The following GDPD5 variants were observed in gnomAD, a reference collection of about 807,000 sequenced individuals.
GDPD5 encodes glycerophosphodiester phosphodiesterase domain containing 5, also known as glycerophosphodiester phosphodiesterase 2.
GDPD5 carries 48 observed loss-of-function variants against 75.1 expected under a neutral mutation model. The observed-to-expected ratio is 0.64, with a 90% CI of 0.51 to 0.81. The LOEUF (loss-of-function observed/expected upper bound fraction) is 0.81. GDPD5 is among the 40% of genes least tolerant of loss of function. GDPD5 has a pLI of 0.00. For synonymous variants in GDPD5, 336 were observed against 339.0 expected (o/e 0.99, Z 0.10); for missense variants, 706 against 822.6 (o/e 0.86, Z 1.73).
chr11:75,516,851 C>A (rs566616000), intron 1 of GDPD5, among the ~76,000 whole-genome samples: 1 of 152,328 alleles, frequency 6.6e-6, no homozygotes, highest in African/African-American at 2.4e-5. Context: ...AGTGACAAAG[C>A]CAGGATCAAC....
intron 3 of GDPD5, among the ~76,000 whole-genome samples, chr11:75,473,066 G>A (rs1949703651): frequency 6.6e-6 from 1 of 152,056 alleles, no homozygotes; most frequent in African/African-American, 2.4e-5. Context: ...TGAAGGGTGA[G>A]GTTATCCTGT....
intron 6 of GDPD5, among the ~76,000 whole-genome samples, 166 bp from the exon 7 acceptor site, chr11:75,450,149 G>GATA (rs1949100919): frequency 6.6e-6 from 1 of 152,192 alleles, no homozygotes; most frequent in Admixed American, 6.5e-5. Context: ...GGAAACTAGA[G>GATA]GCCGGCAGAT....
chr11:75,501,686 G>C (rs1950307472), intron 1 of GDPD5, among the ~76,000 whole-genome samples: 1 of 152,166 alleles, frequency 6.6e-6, no homozygotes, highest in African/African-American at 2.4e-5. Context: ...AGTGGGGAGG[G>C]GTGCTGGGAG....
intron 3 of GDPD5, among the ~76,000 whole-genome samples, chr11:75,467,038 C>A (rs1949531633): frequency 6.6e-6 from 1 of 152,194 alleles, no homozygotes; most frequent in African/African-American, 2.4e-5. Flanking sequence ...CTAGGCCAGA[C>A]CTGATGCTCC....
Position 75,505,491 on chromosome 11 carries a change from CCT to C in GDPD5, c.-144-15173_-144-15172del, listed in dbSNP as rs1343564078. The stretch of plus-strand genomic sequence containing the variant: ...GGCCAGTCCTTTTCCTTGTGGGGCC[CCT>C]GTTTTCCTGTCTGTACCATCAGAGA... On this transcript the variant is annotated intron_variant, in intron 1 of 16. Coordinates refer to ENST00000336898, the MANE Select transcript of GDPD5 (RefSeq NM_030792.8). Among the ~76,000 whole-genome samples the C allele has an allele frequency of 3.9e-5, 6 of 152,146 alleles. No individual in the cohort carries two copies. In the South Asian group the frequency reaches 8.3e-4, roughly 21 times the overall value.
At chr11:75,499,922 C>T (rs1220346783) in intron 1 of GDPD5, among the ~76,000 whole-genome samples, 1 of 152,224 alleles carries the variant, frequency 6.6e-6, no homozygotes, top group African/African-American at 2.4e-5. Context: ...TACGAGGATG[C>T]TCTGAGCTAG....
Position 75,436,985 on chromosome 11 carries a change from G to A in GDPD5, c.1620C>T (p.Arg540=), listed in dbSNP as rs778279799. 4.3e-5 allele frequency: 70 copies of A among 1,613,522 alleles called. 2 individuals carry two copies. The South Asian group carries it at 7.6e-4, about 17-fold the overall frequency. ...PEQIMLSAAV[R]RTSRDVSIMK... is the part of the protein sequence containing the mutation. ...TGATGCTGACGTCCCGGCTGGTCCGGCGCACCGCAGCACTCAGCATGATCT... is the reference window on the plus strand; with the variant it reads ...TGATGCTGACGTCCCGGCTGGTCCGACGCACCGCAGCACTCAGCATGATCT... The change falls in exon 16 of 17, where the codon CGC becomes CGT. Residue 540 remains arginine, a synonymous_variant. Transcript: ENST00000336898.
chr11:75,439,750 T>C, intron 15 of GDPD5, 129 bp downstream of exon 15: 1 of 755,252 alleles, frequency 1.3e-6, no homozygotes, highest in Non-Finnish European at 2.3e-6. Context: ...CCGGAGTCCG[T>C]CCTTCTTCCC....
At chr11:75,449,783 A>T (rs537648065) in intron 7 of GDPD5, 102 bp downstream of exon 7, 2 of 1,332,290 alleles carry the variant, frequency 1.5e-6, no homozygotes, top group East Asian at 4.6e-5. Flanking sequence ...CTGCTCTGTG[A>T]CCCTGGGCGC....
At chr11:75,449,644 C>G (rs201513451) in intron 7 of GDPD5, 34 bp from the exon 8 acceptor site, 9 of 1,551,714 alleles carry the variant, frequency 5.8e-6, no homozygotes, top group Non-Finnish European at 6.1e-6. Context: ...AGACCAGTAA[C>G]GCCCAGCTCT....
At chr11:75,471,726 T>TC (rs1326282426) in intron 3 of GDPD5, among the ~76,000 whole-genome samples, 1 of 152,082 alleles carries the variant, frequency 6.6e-6, no homozygotes, top group East Asian at 1.9e-4. Context: ...CTTAGCCACT[T>TC]CCCCTGGAGC....
chr11:75,470,206 G>T (rs891248840), intron 3 of GDPD5, among the ~76,000 whole-genome samples: 14 of 152,238 alleles, frequency 9.2e-5, no homozygotes, highest in African/African-American at 3.4e-4. Context: ...AGCAGAGGGC[G>T]TGAAGGCACA....
chr11:75,464,997 G>A (rs1357054714), intron 3 of GDPD5, among the ~76,000 whole-genome samples: 1 of 152,124 alleles, frequency 6.6e-6, no homozygotes, highest in Non-Finnish European at 1.5e-5. Context: ...CTCAGAATCC[G>A]TCTTGCCACC....
Position 75,525,637 on chromosome 11 carries a change from CG to C in GDPD5, c.-573del, listed in dbSNP as rs1179784881. ...CCGTCCCGGCGCAGCGGGTCAGGGC[CG>C]GGGCTCCGCGCGTCCCGGCCGCACG... On this transcript the variant is annotated 5_prime_UTR_variant, in exon 1 of 17. Coordinates refer to ENST00000336898, the MANE Select transcript of GDPD5 (RefSeq NM_030792.8). The C allele has an allele frequency of 6.6e-6, 1 of 151,668 alleles. No individual in the cohort carries two copies. Among genetic ancestry groups the C allele is most frequent in the African/African-American group, 2.4e-5 (1 of 41,356 alleles). The allele number at this position is 151,668 out of a possible 1,614,324, so 9.4% of individuals were successfully genotyped here.
chr11:75,457,861 G>T, intron 4 of GDPD5, 75 bp from the exon 5 acceptor site: 1 of 1,144,362 alleles, frequency 8.7e-7, no homozygotes, highest in Non-Finnish European at 1.3e-6. Context: ...GATGGTCTGA[G>T]CCTCCACACA....
chr11:75,503,571 T>C (rs1049216646), intron 1 of GDPD5, among the ~76,000 whole-genome samples: 106 of 152,302 alleles, frequency 7.0e-4, no homozygotes, highest in African/African-American at 2.4e-3. Flanking sequence ...CAAGGTCTGA[T>C]TGGTCTCCCA....
In GDPD5 at chr11:75,449,889, A is replaced by T. The variant is rs761271104; in HGVS notation, c.470T>A (p.Leu157Gln). The change falls in exon 7 of 17, where the codon CTG becomes CAG. Residue 157 changes from leucine to glutamine, a missense_variant. Leu to Gln is a moderately radical substitution (Grantham distance 113). Coordinates refer to ENST00000336898, the MANE Select transcript of GDPD5 (RefSeq NM_030792.8). ...EDEWEVLLISLQGTAPFLHVG... is the reference protein window; with the variant it reads ...EDEWEVLLISQQGTAPFLHVG... ...TGGGGGACCCTCCTCACTCACCTGCAGGGAGATCAGCAGCACCTCCCACTC... is the reference window on the plus strand; with the variant it reads ...TGGGGGACCCTCCTCACTCACCTGCTGGGAGATCAGCAGCACCTCCCACTC... 1.9e-6 allele frequency: 3 copies of T among 1,612,838 alleles called. No individual in the cohort carries two copies. The highest frequency in any genetic ancestry group is 2.7e-5 in the African/African-American group (2 of 74,908).
At chr11:75,443,975 T>C (rs1948909037) in intron 10 of GDPD5, among the ~76,000 whole-genome samples, 1 of 152,240 alleles carries the variant, frequency 6.6e-6, no homozygotes, top group African/African-American at 2.4e-5. Flanking sequence ...CCTTCTTCCC[T>C]TCTCAGATAA....
intron 1 of GDPD5, among the ~76,000 whole-genome samples, chr11:75,509,698 G>C (rs1950474963): frequency 6.6e-6 from 1 of 152,030 alleles, no homozygotes; most frequent in East Asian, 1.9e-4. Flanking sequence ...TTTCTTTTTT[G>C]AGATGGAGTC....
Sources: gnomAD v4.1 joint callset for allele counts (sites outside exome capture counted in the v4.1 genomes callset) on GRCh38, gnomAD v4.1.1 for gene constraint, MANE v1.5 for transcripts, NCBI Gene and HGNC (gene_info 2026-07-23, HGNC 2026-07-21) for gene names.